The following ABCC3 variants were observed in gnomAD, a reference collection of about 807,000 sequenced individuals.
The protein encoded by ABCC3 is ATP binding cassette subfamily C member 3, also known as ATP-binding cassette sub-family C member 3.
Under a neutral mutation model 165.3 loss-of-function variants are expected in ABCC3, and 121 were observed. That is an observed-to-expected ratio of 0.73 (90% CI 0.63 to 0.85). The LOEUF is 0.85. Ranked by LOEUF, ABCC3 falls within the 40% of genes least tolerant of loss-of-function variation. The pLI is 0.00. For synonymous variants in ABCC3, 733 were observed against 810.1 expected (o/e 0.90, Z 1.62); for missense variants, 1,869 against 1,964.1 (o/e 0.95, Z 0.92).
In ABCC3 at chr17:50,683,747, T is replaced by C. The variant is rs746970100; in HGVS notation, c.3945T>C (p.Gly1315=). Residue 1315 remains glycine, a synonymous_variant, in exon 27 of 31, where the codon GGT becomes GGC. Transcript: ENST00000285238. The part of the protein sequence containing the change: ...VLRDLSLHVH[G]GEKVGIVGRT... ...GAGACCTGAGTCTGCATGTGCACGG[T>C]GGCGAGAAGGTACGCGTGGGGTAGG... 6.2e-7 allele frequency: 1 copy of C among 1,605,198 alleles called. No homozygotes were observed.
chr17:50,644,389 A>G (rs1292261689), intron 1 of ABCC3, among the ~76,000 whole-genome samples: 1 of 148,944 alleles, frequency 6.7e-6, no homozygotes, highest in African/African-American at 2.5e-5. Flanking sequence ...AGTGCAGATC[A>G]CTCCCCTTCC....
At chr17:50,670,167 C>A (rs1034768222) in intron 17 of ABCC3, among the ~76,000 whole-genome samples, 1 of 152,014 alleles carries the variant, frequency 6.6e-6, no homozygotes, top group Non-Finnish European at 1.5e-5. Context: ...ACTGCAACCT[C>A]CACCTCCCGG....
chr17:50,687,070 C>T (rs571422472), intron 29 of ABCC3, among the ~76,000 whole-genome samples: 2 of 152,228 alleles, frequency 1.3e-5, no homozygotes, highest in Non-Finnish European at 2.9e-5. Flanking sequence ...GAAGCAGAGC[C>T]CTGGCCTGTA....
chr17:50,684,604 TG>T, intron 28 of ABCC3, 104 bp from the exon 29 acceptor site: 2 of 1,241,622 alleles, frequency 1.6e-6, no homozygotes, highest in Non-Finnish European at 2.2e-6. Flanking sequence ...GGAAACAGAG[TG>T]GGAATGCTGC....
chr17:50,679,966 C>G, intron 26 of ABCC3, 67 bp downstream of exon 26: 1 of 1,288,416 alleles, frequency 7.8e-7, no homozygotes, highest in Non-Finnish European at 1.1e-6. Flanking sequence ...CTTGGTGGCT[C>G]TCTCTCCCTC....
chr17:50,683,875 C>T (rs1381125479), intron 27 of ABCC3, 74 bp from the exon 28 acceptor site: 20 of 1,574,684 alleles, frequency 1.3e-5, no homozygotes, highest in Non-Finnish European at 1.6e-5. Context: ...TTTGTTCGGC[C>T]TCCAGGAGAG....
intron 17 of ABCC3, among the ~76,000 whole-genome samples, chr17:50,670,132 A>G (rs1967616428): frequency 6.6e-6 from 1 of 151,480 alleles, no homozygotes; most frequent in Non-Finnish European, 1.5e-5. Context: ...CCCAGGCTGG[A>G]GTGCAGTGGC....
At chr17:50,678,607 G>T (rs1023384058) in intron 25 of ABCC3, among the ~76,000 whole-genome samples, 1 of 152,132 alleles carries the variant, frequency 6.6e-6, no homozygotes, top group East Asian at 1.9e-4. Context: ...CTTTGTGGCT[G>T]GAGAAACAAA....
At chr17:50,684,933 G>A in intron 29 of ABCC3, 58 bp downstream of exon 29, 1 of 1,578,074 alleles carries the variant, frequency 6.3e-7, no homozygotes, top group Non-Finnish European at 8.6e-7. Context: ...AACCCTGGCG[G>A]GTGCTGGGAA....
At chr17:50,681,008 G>A (rs1390439912) in intron 26 of ABCC3, among the ~76,000 whole-genome samples, 1 of 152,002 alleles carries the variant, frequency 6.6e-6, no homozygotes, top group Non-Finnish European at 1.5e-5. Flanking sequence ...CCCAGGCGGT[G>A]GAGGTTGCAG....
chr17:50,683,991 A>G lies in ABCC3; in HGVS notation c.3997A>G (p.Thr1333Ala), dbSNP rs1967975049. ...CACTGGGGCTGGCAAGTCTTCCATG[A>G]CCCTTTGCCTGTTCCGCATCCTGGA... is the stretch of plus-strand genomic sequence containing the variant. ...GRTGAGKSSM[T>A]LCLFRILEAA... The change falls in exon 28 of 31, where the codon ACC (threonine) becomes GCC (alanine). Residue 1333 changes from threonine (T) to alanine (A), a missense_variant. By Grantham distance (58) the Thr-to-Ala change is moderately conservative. Transcript: ENST00000285238. The G allele has an allele frequency of 6.2e-7, 1 of 1,612,936 alleles. No individual in the cohort carries two copies. Among genetic ancestry groups the G allele is most frequent in the East Asian group, 2.2e-5 (1 of 44,748 alleles).
chr17:50,656,454 T>C (rs4148412), intron 2 of ABCC3, among the ~76,000 whole-genome samples: 97,361 of 152,112 alleles, frequency 0.64, 31,394 homozygotes, highest in South Asian at 0.76. Flanking sequence ...CTGCTTGGGG[T>C]CATGGGAATC....
At position 50,669,162 on chromosome 17, in the gene ABCC3, G is replaced by C; in HGVS notation, c.1960G>C (p.Gly654Arg). 2 of 1,599,706 alleles carry C rather than the reference G, an allele frequency of 1.3e-6. No homozygotes were observed. The highest frequency in any genetic ancestry group is 1.7e-6 in the Non-Finnish European group (2 of 1,175,856). Residue 654 changes from glycine to arginine, a missense_variant, in exon 16 of 31, where the codon GGG becomes CGG. By Grantham distance (125) the Gly-to-Arg change is moderately radical (BLOSUM62 -2). Coordinates refer to ENST00000285238, the MANE Select transcript of ABCC3 (RefSeq NM_003786.4). The stretch of plus-strand genomic sequence containing the variant: ...CAGCCTAGACATCCAGGTCCCGAAA[G>C]GGGCACTGGTGGCCGTGGTGGGGCC... ...LHSLDIQVPK[G>R]ALVAVVGPVG...
intron 1 of ABCC3, chr17:50,635,862 G>A (rs10153257): frequency 0.59 from 224,046 of 378,056 alleles, 68,550 homozygotes; most frequent in East Asian, 0.89. Context: ...TGGCCTGGGC[G>A]AAAGAGTGAG....
rs1968124986 is a variant in ABCC3 at position 50,691,571 on chromosome 17, T to C, written c.*371T>C. ...TCGTTTCTGTTTTTTAATAAAAAGC[T>C]TTTTCCTCCTGGAACAGAAGACAGC... On this transcript the variant is annotated 3_prime_UTR_variant, in exon 31 of 31. Transcript: ENST00000285238. 1 of 225,018 alleles carries C rather than the reference T, an allele frequency of 4.4e-6. No individual in the cohort carries two copies. Among genetic ancestry groups the C allele is most frequent in the South Asian group, 6.4e-5 (1 of 15,702 alleles). The allele number at this position is 225,018 out of a possible 1,614,324, so 13.9% of individuals were successfully genotyped here.
At chr17:50,686,511 C>T (rs1001355139) in intron 29 of ABCC3, among the ~76,000 whole-genome samples, 3 of 152,160 alleles carry the variant, frequency 2.0e-5, no homozygotes, top group African/African-American at 7.2e-5. Flanking sequence ...GTGGCTCTCA[C>T]TTACATAACC....
At chr17:50,675,147 C>A (rs1157575292) in intron 19 of ABCC3, among the ~76,000 whole-genome samples, 1 of 152,174 alleles carries the variant, frequency 6.6e-6, no homozygotes, top group African/African-American at 2.4e-5. Flanking sequence ...GCCCAAGTTC[C>A]TAACCCTTGT....
chr17:50,690,427 A>G (rs1383815671), intron 30 of ABCC3, among the ~76,000 whole-genome samples: 2 of 152,166 alleles, frequency 1.3e-5, no homozygotes, highest in African/African-American at 2.4e-5. Flanking sequence ...GCTGAGAACC[A>G]GAATGCAGTC....
Position 50,635,267 on chromosome 17 carries a change from A to G in ABCC3, c.45+286A>G, listed in dbSNP as rs1345865933. On this transcript the variant is annotated intron_variant, in intron 1 of 30. Coordinates refer to ENST00000285238, the MANE Select transcript of ABCC3 (RefSeq NM_003786.4). ...GAGTGCGCGGCTGGGGCGCAAAGGC[A>G]CAGTGCGTGGCTGGGTGAGTCGGCT... The G allele has an allele frequency of 4.8e-6, 3 of 625,844 alleles. No individual in the cohort carries two copies. In the South Asian group the frequency reaches 5.5e-5, roughly 12 times the overall value. 38.8% of individuals were successfully genotyped at this position (625,844 alleles called of 1,614,324 possible). A position where few individuals can be genotyped will look rare whatever the true frequency, so the allele number is the denominator to read the frequency against.
Sources: gnomAD v4.1 joint callset for allele counts (sites outside exome capture counted in the v4.1 genomes callset) on GRCh38, gnomAD v4.1.1 for gene constraint, MANE v1.5 for transcripts, NCBI Gene and HGNC (gene_info 2026-07-23, HGNC 2026-07-21) for gene names.